The following NXN variants were observed in gnomAD, a reference collection of about 807,000 sequenced individuals.
The protein encoded by NXN is nucleoredoxin.
In NXN, 16 loss-of-function variants were observed where a neutral mutation model predicts 48.6. That is an observed-to-expected ratio of 0.33 (90% CI 0.22 to 0.50). The LOEUF (loss-of-function observed/expected upper bound fraction) is 0.50. NXN is among the 20% of genes least tolerant of loss of function. The pLI, the probability that NXN is intolerant of heterozygous loss-of-function variation, is 0.98. For missense variants in NXN, 492 were observed against 605.5 expected (o/e 0.81, Z 1.97); for synonymous variants, 281 against 269.6 (o/e 1.04, Z -0.41).
chr17:853,702 C>CATATATATATATATATATAT (rs571601948), intron 1 of NXN, among the ~76,000 whole-genome samples: 11 of 119,304 alleles, frequency 9.2e-5, no homozygotes, highest in Non-Finnish European at 1.5e-4. Context: ...CTGTTATACA[C>CATATATATATATATATATAT]ATATATATAT....
At chr17:853,738 T>TTTTC (rs1555614493) in intron 1 of NXN, among the ~76,000 whole-genome samples, 1 of 143,574 alleles carries the variant, frequency 7.0e-6, no homozygotes, top group African/African-American at 2.7e-5. Context: ...TTTTTTTTTT[T>TTTTC]CCAAGACGGA....
chr17:814,310 G>A (rs891214510), intron 5 of NXN, among the ~76,000 whole-genome samples: 1 of 152,068 alleles, frequency 6.6e-6, no homozygotes, highest in Non-Finnish European at 1.5e-5. Context: ...TACCTTATTA[G>A]TTTCAGGTGA....
At chr17:818,171 G>C (rs890756395) in intron 5 of NXN, among the ~76,000 whole-genome samples, 1 of 152,080 alleles carries the variant, frequency 6.6e-6, no homozygotes, top group Admixed American at 6.6e-5. Context: ...TGAGGTGAGA[G>C]GATGGCTTGA....
At chr17:861,453 G>C (rs1340857265) in intron 1 of NXN, among the ~76,000 whole-genome samples, 1 of 152,050 alleles carries the variant, frequency 6.6e-6, no homozygotes, top group African/African-American at 2.4e-5. Context: ...TCTTTCTATT[G>C]AAAGTGGCTA....
chr17:908,360 A>AC (rs1237053028), intron 1 of NXN, among the ~76,000 whole-genome samples: 3 of 151,510 alleles, frequency 2.0e-5, no homozygotes, highest in East Asian at 2.0e-4. Context: ...ACATGGTGAA[A>AC]CCCCATCTCT....
chr17:876,390 G>A (rs764449634), intron 1 of NXN, among the ~76,000 whole-genome samples: 6 of 152,102 alleles, frequency 3.9e-5, no homozygotes, highest in Non-Finnish European at 7.4e-5. Flanking sequence ...TAAGAACAAC[G>A]GTGCTCAAGG....
At chr17:814,761 C>G (rs1912372856) in intron 5 of NXN, among the ~76,000 whole-genome samples, 1 of 150,370 alleles carries the variant, frequency 6.7e-6, no homozygotes, top group African/African-American at 2.4e-5. Flanking sequence ...CGCAGTGGCT[C>G]ACGCCTGTAA....
chr17:845,136 C>T, intron 1 of NXN, among the ~76,000 whole-genome samples: 1 of 152,218 alleles, frequency 6.6e-6, no homozygotes, highest in East Asian at 1.9e-4. Context: ...AGGTCAACTT[C>T]ATAAACTATG....
chr17:896,192 T>C (rs573772151), intron 1 of NXN, among the ~76,000 whole-genome samples: 3 of 151,498 alleles, frequency 2.0e-5, no homozygotes, highest in Admixed American at 2.0e-4. Flanking sequence ...TACAAAAAAT[T>C]AGCCGGGCGT....
intron 5 of NXN, among the ~76,000 whole-genome samples, chr17:812,181 C>T (rs894120059): frequency 5.9e-5 from 9 of 151,908 alleles, no homozygotes; most frequent in Admixed American, 2.0e-4. Flanking sequence ...CCCGCCTCGG[C>T]CTCCCAAAGT....
chr17:941,567 T>A (rs1567511335), intron 1 of NXN, among the ~76,000 whole-genome samples: 1 of 42,330 alleles, frequency 2.4e-5, no homozygotes, highest in African/African-American at 9.9e-5. Flanking sequence ...TGAACTCACA[T>A]CACACCTTCC....
chr17:832,608 C>T (rs901034832), intron 1 of NXN, among the ~76,000 whole-genome samples: 1 of 152,178 alleles, frequency 6.6e-6, no homozygotes, highest in African/African-American at 2.4e-5. Context: ...CCAGTTTCTT[C>T]TGAAACTCTT....
chr17:817,563 G>A (rs1176459509), intron 5 of NXN, among the ~76,000 whole-genome samples: 1 of 151,964 alleles, frequency 6.6e-6, no homozygotes. Context: ...CAGCTACTGG[G>A]GAGGCTGAGG....
chr17:928,880 CAT>C (rs1167235682), intron 1 of NXN, among the ~76,000 whole-genome samples: 1 of 152,130 alleles, frequency 6.6e-6, no homozygotes, highest in Non-Finnish European at 1.5e-5. Context: ...ATACCGCTCA[CAT>C]GTGCAGATAT....
chr17:962,038 G>A (rs1424651690), intron 1 of NXN, among the ~76,000 whole-genome samples: 1 of 152,152 alleles, frequency 6.6e-6, no homozygotes, highest in East Asian at 1.9e-4. Context: ...AGGAGGCTGA[G>A]GCAGGAGAAT....
At chr17:968,181 C>T (rs1237511922) in intron 1 of NXN, among the ~76,000 whole-genome samples, 2 of 151,980 alleles carry the variant, frequency 1.3e-5, no homozygotes, top group African/African-American at 4.8e-5. Flanking sequence ...CAGTAGGTGT[C>T]CTTGAGTTGA....
At chr17:926,032 A>C (rs187662014) in intron 1 of NXN, among the ~76,000 whole-genome samples, 4 of 152,336 alleles carry the variant, frequency 2.6e-5, no homozygotes, top group Admixed American at 2.6e-4. Context: ...AGTTTTAATG[A>C]CTTAAGAGTT....
chr17:824,188 C>T (rs1192299446), intron 2 of NXN, among the ~76,000 whole-genome samples: 2 of 152,052 alleles, frequency 1.3e-5, no homozygotes, highest in South Asian at 2.1e-4. Flanking sequence ...TACAGGTGCC[C>T]GCCACCAGGC....
At chr17:954,813 G>A (rs1046978274) in intron 1 of NXN, among the ~76,000 whole-genome samples, 2 of 152,234 alleles carry the variant, frequency 1.3e-5, no homozygotes, top group African/African-American at 2.4e-5. Context: ...GGGCCGCATC[G>A]GCCTAGACTC....
Sources: allele counts gnomAD v4.1 joint callset (sites outside exome capture counted in the v4.1 genomes callset), GRCh38; gene constraint gnomAD v4.1.1; transcripts MANE v1.5; gene names NCBI Gene and HGNC (gene_info 2026-07-23, HGNC 2026-07-21).